GABRG3: variants seen among roughly 807,000 people sequenced by gnomAD.
GABRG3 encodes gamma-aminobutyric acid receptor subunit gamma-3.
Under a neutral mutation model 48.8 loss-of-function variants are expected in GABRG3, and 25 were observed. The ratio of observed to expected loss-of-function variants is 0.51; its 90% confidence interval spans 0.37 to 0.72. The LOEUF (loss-of-function observed/expected upper bound fraction) is 0.72, where lower values mean the gene tolerates loss of function less well. GABRG3 is among the 30% of genes least tolerant of loss of function. GABRG3 has a pLI of 0.00. For synonymous variants in GABRG3, 227 were observed against 217.6 expected (o/e 1.04, Z -0.38); for missense variants, 394 against 577.9 (o/e 0.68, Z 3.26).
At chr15:27,018,182 C>A (rs1895813818) in intron 2 of GABRG3, among the ~76,000 whole-genome samples, 1 of 152,224 alleles carries the variant, frequency 6.6e-6, no homozygotes, top group South Asian at 2.1e-4. Context: ...ATTTAAGTGA[C>A]TTTCTCAAGG....
intron 5 of GABRG3, among the ~76,000 whole-genome samples, chr15:27,359,813 T>C (rs957060957): frequency 9.9e-5 from 15 of 152,266 alleles, no homozygotes; most frequent in African/African-American, 3.6e-4. Flanking sequence ...GAAGCTTACA[T>C]AACCCAGAGA....
chr15:27,301,651 TCA>T (rs1226410337), intron 3 of GABRG3, among the ~76,000 whole-genome samples: 3 of 151,914 alleles, frequency 2.0e-5, no homozygotes, highest in Admixed American at 6.6e-5. Context: ...TTCATATGTA[TCA>T]CAATTTATTT....
chr15:27,498,684 G>A (rs1287329686), intron 6 of GABRG3, among the ~76,000 whole-genome samples: 2 of 151,862 alleles, frequency 1.3e-5, no homozygotes, highest in African/African-American at 4.8e-5. Flanking sequence ...TAGAGACAGG[G>A]TTTCACCGTG....
chr15:27,215,286 C>T (rs1021538184), intron 3 of GABRG3, among the ~76,000 whole-genome samples: 2 of 152,166 alleles, frequency 1.3e-5, no homozygotes, highest in Admixed American at 6.5e-5. Context: ...TCCCTGGCTT[C>T]TCTTTCTCTT....
chr15:27,032,122 C>T lies in GABRG3; in HGVS notation c.270+5301C>T, dbSNP rs142955782. Among the ~76,000 whole-genome samples the T allele has an allele frequency of 2.2e-4, 33 of 152,310 alleles. No homozygotes were observed. The East Asian group carries it at 6.4e-3, about 29-fold the overall frequency. ...TCTTCCTTTGCACTCCATCTTTTGGCATATGAAGTCACTCTTCATCTCTGT... is the reference window on the plus strand; with the variant it reads ...TCTTCCTTTGCACTCCATCTTTTGGTATATGAAGTCACTCTTCATCTCTGT... On this transcript the variant is annotated intron_variant, in intron 3 of 9. Coordinates refer to ENST00000615808, the MANE Select transcript of GABRG3 (RefSeq NM_033223.5).
At chr15:27,451,650 C>T (rs915925238) in intron 5 of GABRG3, among the ~76,000 whole-genome samples, 6 of 151,990 alleles carry the variant, frequency 3.9e-5, no homozygotes, top group Non-Finnish European at 7.4e-5. Context: ...TAAATATGAA[C>T]CCAAAAGCAC....
intron 9 of GABRG3, among the ~76,000 whole-genome samples, chr15:27,528,715 C>T (rs889879612): frequency 2.6e-5 from 4 of 152,116 alleles, no homozygotes; most frequent in Admixed American, 1.3e-4. Flanking sequence ...ACAATATTGT[C>T]ACTCGTTTAT....
intron 5 of GABRG3, among the ~76,000 whole-genome samples, chr15:27,351,755 T>C (rs1357235856): frequency 6.7e-6 from 1 of 150,374 alleles, no homozygotes; most frequent in Non-Finnish European, 1.5e-5. Flanking sequence ...TGAGTGTGTT[T>C]ATGGTGTTTG....
intron 3 of GABRG3, among the ~76,000 whole-genome samples, chr15:27,028,617 C>T (rs1218839465): frequency 6.6e-6 from 1 of 151,930 alleles, no homozygotes; most frequent in Non-Finnish European, 1.5e-5. Flanking sequence ...CCAGCCTGGT[C>T]AACGTGATGA....
intron 3 of GABRG3, among the ~76,000 whole-genome samples, chr15:27,097,812 G>C (rs1336701343): frequency 1.3e-5 from 2 of 152,086 alleles, no homozygotes; most frequent in Non-Finnish European, 2.9e-5. Context: ...GGCCCAAAAT[G>C]TCATACTGTC....
chr15:27,169,575 TC>T lies in GABRG3; in HGVS notation c.270+142757del, dbSNP rs111752903. Among the ~76,000 whole-genome samples the T allele has an allele frequency of 9.9e-3, 1,502 of 152,102 alleles. 19 individuals carry two copies. The highest frequency in any genetic ancestry group is 0.034 in the African/African-American group (1,410 of 41,494). The stretch of plus-strand genomic sequence containing the variant: ...TGATCAAAACTGTGCTGCCGACATT[TC>T]CCATGGAGGTCACACACAAGAGGAG... On this transcript the variant is annotated intron_variant, in intron 3 of 9. Transcript: ENST00000615808.
intron 3 of GABRG3, among the ~76,000 whole-genome samples, chr15:27,124,584 T>C (rs954874584): frequency 6.6e-6 from 1 of 152,210 alleles, no homozygotes; most frequent in Non-Finnish European, 1.5e-5. Flanking sequence ...AGTCCTGTTA[T>C]CATTGATTAA....
chr15:27,406,344 AT>A (rs954688473), intron 5 of GABRG3, among the ~76,000 whole-genome samples: 18 of 152,078 alleles, frequency 1.2e-4, no homozygotes, highest in African/African-American at 4.3e-4. Flanking sequence ...GGACTTAATG[AT>A]TTTTTTTAAG....
At chr15:27,183,110 CTT>C (rs199766914) in intron 3 of GABRG3, among the ~76,000 whole-genome samples, 15 of 150,928 alleles carry the variant, frequency 9.9e-5, no homozygotes, top group African/African-American at 3.7e-4. Flanking sequence ...TTACAGATGA[CTT>C]TTTTTTTCAA....
chr15:27,026,249 G>T (rs541628336), intron 2 of GABRG3, among the ~76,000 whole-genome samples: 1 of 152,054 alleles, frequency 6.6e-6, no homozygotes, highest in South Asian at 2.1e-4. Flanking sequence ...TTTTTTATTG[G>T]TGTATAGACT....
chr15:27,277,413 A>G (rs1202950847), intron 3 of GABRG3, among the ~76,000 whole-genome samples: 1 of 152,170 alleles, frequency 6.6e-6, no homozygotes, highest in Non-Finnish European at 1.5e-5. Flanking sequence ...TTTGAGTACA[A>G]ACTAGTTTAT....
chr15:27,188,697 A>G (rs976239899), intron 3 of GABRG3, among the ~76,000 whole-genome samples: 6 of 151,882 alleles, frequency 4.0e-5, no homozygotes, highest in African/African-American at 1.5e-4. Flanking sequence ...CTCTGATGGT[A>G]GTTTCTTTTG....
intron 5 of GABRG3, chr15:27,363,423 C>G (rs374418593): frequency 6.6e-6 from 1 of 152,056 alleles, no homozygotes; most frequent in African/African-American, 2.4e-5. Context: ...TCATCAAGAT[C>G]AACAATAGAA....
chr15:27,189,051 T>C (rs1888202309), intron 3 of GABRG3, among the ~76,000 whole-genome samples: 1 of 152,198 alleles, frequency 6.6e-6, no homozygotes. Flanking sequence ...TATATGGCGT[T>C]GTTTCTGAGG....
Sources: allele counts gnomAD v4.1 joint callset (sites outside exome capture counted in the v4.1 genomes callset), GRCh38; gene constraint gnomAD v4.1.1; transcripts MANE v1.5; gene names NCBI Gene and HGNC (gene_info 2026-07-23, HGNC 2026-07-21).